ANKFY1: variants seen among roughly 807,000 people sequenced by gnomAD.
ANKFY1 encodes ankyrin repeat and FYVE domain containing 1.
Under a neutral mutation model 128.3 loss-of-function variants are expected in ANKFY1, and 47 were observed. The ratio of observed to expected loss-of-function variants is 0.37; its 90% CI spans 0.29 to 0.47. ANKFY1 has a LOEUF of 0.47. Ranked by LOEUF, ANKFY1 falls within the 20% of genes least tolerant of loss-of-function variation. The probability of loss-of-function intolerance (pLI) is 1.00; values close to 1 mark genes in which losing one functional copy is unlikely to be tolerated. For missense variants in ANKFY1, 1,222 were observed against 1,510.6 expected, an observed-to-expected ratio of 0.81 and a Z score of 3.17; for synonymous variants, 553 against 601.6, an observed-to-expected ratio of 0.92 and a Z score of 1.18.
chr17:4,185,165 C>T (rs1304609929), intron 11 of ANKFY1, 119 bp from the exon 12 acceptor site: 1 of 837,508 alleles, frequency 1.2e-6, no homozygotes, highest in Admixed American at 2.0e-5. Context: ...GCTGCCCCTC[C>T]TGACTTCTGT....
chr17:4,213,201 T>G (rs971417068), intron 4 of ANKFY1, among the ~76,000 whole-genome samples: 8 of 150,714 alleles, frequency 5.3e-5, no homozygotes, highest in South Asian at 2.1e-4. Flanking sequence ...AAGCTTTGGG[T>G]TTTTTTTGAG....
chr17:4,185,035 C>T lies in ANKFY1; in HGVS notation c.1482G>A (p.Pro494=), dbSNP rs144548328. 4.3e-6 allele frequency: 7 copies of T among 1,612,896 alleles called. No homozygotes were observed. Among genetic ancestry groups the T allele is most frequent in the East Asian group, 4.5e-5 (2 of 44,880 alleles). The change falls in exon 12 of 25, where the codon CCG becomes CCA. Residue 494 remains proline (P), a synonymous_variant. Coordinates refer to ENST00000341657, the MANE Select transcript of ANKFY1 (RefSeq NM_001330063.2). ...GGCCATGCCGACACGCTGTGTGCAA[C>T]GGGGTTTCTCCCTGAATGGAAACAA... ...VNHRNKWGET[P]LHTACRHGLA...
chr17:4,179,571 G>T, intron 17 of ANKFY1, 150 bp downstream of exon 17: 3 of 1,010,512 alleles, frequency 3.0e-6, no homozygotes, highest in Non-Finnish European at 4.3e-6. Context: ...AGCACAGTCA[G>T]CCTGAAATCA....
Position 4,169,412 on chromosome 17 carries a change from C to G in ANKFY1, c.3287-124G>C. 2.9e-6 allele frequency: 2 copies of G among 696,362 alleles called. No homozygotes were observed. Among genetic ancestry groups the G allele is most frequent in the Non-Finnish European group, 5.0e-6 (2 of 396,674 alleles). 43.1% of individuals were successfully genotyped at this position (696,362 alleles called of 1,614,324 possible). On this transcript the variant is annotated intron_variant, in intron 23 of 24. Transcript: ENST00000341657. This position sits in a 1 kb window ranked among gnomAD's most constrained non-coding sequence, Gnocchi z 5.0. The stretch of plus-strand genomic sequence containing the variant: ...CAGCGCTGCCACATGACATAGGTGA[C>G]GAAGGAGCGATAGGTTCTAAGTGGT...
chr17:4,172,778 T>A, intron 21 of ANKFY1, 98 bp from the exon 22 acceptor site: 1 of 1,466,422 alleles, frequency 6.8e-7, no homozygotes, highest in Non-Finnish European at 9.2e-7. Context: ...TGGATAAATC[T>A]AAAAGACACA....
chr17:4,215,687 C>T (rs989068969), intron 4 of ANKFY1, among the ~76,000 whole-genome samples: 1 of 152,154 alleles, frequency 6.6e-6, no homozygotes, highest in Non-Finnish European at 1.5e-5. Context: ...GAAGCCTACT[C>T]GGTCAACAAA....
At chr17:4,239,372 C>T (rs989548839) in intron 2 of ANKFY1, among the ~76,000 whole-genome samples, 3 of 152,148 alleles carry the variant, frequency 2.0e-5, no homozygotes, top group East Asian at 1.9e-4. Flanking sequence ...AAAAAAAAGA[C>T]GATGGATTAT....
chr17:4,183,735 C>T (rs375465474), intron 13 of ANKFY1, 77 bp downstream of exon 13: 7 of 1,484,020 alleles, frequency 4.7e-6, no homozygotes, highest in Middle Eastern at 1.9e-4. Context: ...CTTTCTTTCT[C>T]GCTCCCTCTG....
At chr17:4,263,593 A>C (rs2143623045) in intron 1 of ANKFY1, 1 of 1,534,320 alleles carries the variant, frequency 6.5e-7, no homozygotes, top group South Asian at 1.2e-5. Context: ...GAGAAGGCTT[A>C]CTTCCCCCGG....
rs187761512 is a variant in ANKFY1, at chr17:4,254,271, T to G, written c.10+9661A>C. ...ATGAGCCAAGATCGCACCACTGCAC[T>G]CCAGCCTGGACCACAGAGTGAGACT... On this transcript the variant is annotated intron_variant, in intron 1 of 24. Coordinates refer to ENST00000341657, the MANE Select transcript of ANKFY1 (RefSeq NM_001330063.2). Among the ~76,000 whole-genome samples the G allele has an allele frequency of 1.3e-3, 157 of 123,838 alleles. 1 individual carries two copies. Among genetic ancestry groups the G allele is most frequent in the Middle Eastern group, 0.011 (2 of 178 alleles). 81.2% of individuals were successfully genotyped at this position (123,838 alleles called of 152,430 possible).
intron 3 of ANKFY1, among the ~76,000 whole-genome samples, chr17:4,233,038 G>A (rs1214524550): frequency 6.6e-6 from 1 of 151,534 alleles, no homozygotes; most frequent in African/African-American, 2.4e-5. Context: ...TCACAGCTCA[G>A]CTGCCTAACT....
intron 16 of ANKFY1, among the ~76,000 whole-genome samples, chr17:4,180,734 C>T (rs7219904): frequency 0.25 from 35,024 of 139,362 alleles, 4,675 homozygotes; most frequent in Non-Finnish European, 0.3. Flanking sequence ...GCACTCTAGC[C>T]TGGGTGAGAG....
intron 3 of ANKFY1, among the ~76,000 whole-genome samples, chr17:4,227,637 T>A (rs77147227): frequency 6.6e-6 from 1 of 152,294 alleles, no homozygotes; most frequent in Non-Finnish European, 1.5e-5. Flanking sequence ...ATGACTTGTA[T>A]CTAAATTATA....
intron 3 of ANKFY1, among the ~76,000 whole-genome samples, chr17:4,218,152 A>C (rs527911737): frequency 1.3e-5 from 2 of 152,356 alleles, no homozygotes; most frequent in African/African-American, 2.4e-5. Flanking sequence ...ACATTTTTTT[A>C]TCTCTCAGAC....
At position 4,182,232 on chromosome 17, in the gene ANKFY1, G is replaced by A. The variant is rs775797072; in HGVS notation, c.2070C>T (p.Pro690=). 18 of 1,582,954 alleles carry A rather than the reference G, an allele frequency of 1.1e-5. No individual in the cohort carries two copies. In the East Asian group the frequency reaches 2.7e-4, roughly 24 times the overall value. The change falls in exon 15 of 25, where the codon CCC becomes CCT. Residue 690 remains proline, a synonymous_variant. Transcript: ENST00000341657. ...DMSVPDEKGN[P]PLWLALANNL... ...TGTTTGCCAATGCAAGCCACAGCGGGGGGTTCCCCTTCTCATCTGGCACAG... is the reference window on the plus strand; with the variant it reads ...TGTTTGCCAATGCAAGCCACAGCGGAGGGTTCCCCTTCTCATCTGGCACAG...
In ANKFY1 at chr17:4,189,722, CCCACGCCAGACAGTAGGT is replaced by C. The variant is rs750570015; in HGVS notation, c.1373-261_1373-244del. On this transcript the variant is annotated intron_variant, in intron 10 of 24. Coordinates refer to ENST00000341657, the MANE Select transcript of ANKFY1 (RefSeq NM_001330063.2). ...CAGTAGGCCCACGCCAGACAGTAGG[CCCACGCCAGACAGTAGGT>C]CCACGCCAGACAGTAGGTCCACGCC... 2.0e-3 allele frequency among the ~76,000 whole-genome samples: 275 copies of C among 134,600 alleles called. 1 individual carries two copies. Among genetic ancestry groups the C allele is most frequent in the East Asian group, 6.6e-3 (33 of 5,008 alleles). 88.3% of individuals were successfully genotyped at this position (134,600 alleles called of 152,430 possible). A position where few individuals can be genotyped will look rare whatever the true frequency, so the allele number is the denominator to read the frequency against.
At chr17:4,257,936 T>C (rs939501129) in intron 1 of ANKFY1, among the ~76,000 whole-genome samples, 2 of 152,230 alleles carry the variant, frequency 1.3e-5, no homozygotes, top group Admixed American at 6.5e-5. Context: ...TAAATCATGA[T>C]AGTATCTCAA....
chr17:4,194,253 C>T lies in ANKFY1; in HGVS notation c.1372+725G>A, dbSNP rs1024767072. Among the ~76,000 whole-genome samples, 15 of 151,014 alleles carry T rather than the reference C, an allele frequency of 9.9e-5. No homozygotes were observed. In the South Asian group the frequency reaches 1.3e-3, roughly 13 times the overall value. On this transcript the variant is annotated intron_variant, in intron 10 of 24. Transcript: ENST00000341657. ...CTGAGTAGCTGGGATGACAGGAGCC[C>T]GCCACCATGCCCAGCTGATAATTTG... is the stretch of plus-strand genomic sequence containing the variant.
chr17:4,222,203 C>T (rs1309705268), intron 3 of ANKFY1: 1 of 169,748 alleles, frequency 5.9e-6, no homozygotes, highest in Non-Finnish European at 1.2e-5. Flanking sequence ...CTGCCCGCGC[C>T]TGGCGCCGCC....
Sources: gnomAD v4.1 joint callset for allele counts (sites outside exome capture counted in the v4.1 genomes callset) on GRCh38, gnomAD v4.1.1 for gene constraint, Gnocchi (gnomAD v3.1) non-coding constraint, MANE v1.5 for transcripts, NCBI Gene and HGNC (gene_info 2026-07-23, HGNC 2026-07-21) for gene names.